The following SYCE3 variants were observed in gnomAD, a reference collection of about 807,000 sequenced individuals.
The protein encoded by SYCE3 is synaptonemal complex central element protein 3.
A neutral mutation model predicts 8.1 loss-of-function variants in SYCE3; 3 were observed. The observed-to-expected ratio is 0.37, with a 90% CI of 0.17 to 0.96. The LOEUF (loss-of-function observed/expected upper bound fraction) is 0.96. Among genes scored for constraint, SYCE3 ranks in the 40% least tolerant of loss-of-function variants. The pLI, the probability that SYCE3 is intolerant of heterozygous loss-of-function variation, is 0.41. For synonymous variants in SYCE3, 36 were observed against 38.7 expected, an observed-to-expected ratio of 0.93 and a Z score of 0.26; for missense variants, 83 against 110.0, an observed-to-expected ratio of 0.75 and a Z score of 1.10.
chr22:50,552,931 C>G (rs924209867), intron 2 of SYCE3, among the ~76,000 whole-genome samples: 17 of 152,270 alleles, frequency 1.1e-4, no homozygotes, highest in African/African-American at 3.6e-4. Context: ...GGCAAGGTGG[C>G]TGGTACCTAT....
intron 1 of SYCE3, among the ~76,000 whole-genome samples, chr22:50,560,473 C>T (rs563197002): frequency 6.6e-6 from 1 of 152,188 alleles, no homozygotes; most frequent in Admixed American, 6.5e-5. Flanking sequence ...AAAAAAAGGG[C>T]TCAGTAAATT....
chr22:50,554,694 A>C (rs1313627413), intron 2 of SYCE3, among the ~76,000 whole-genome samples: 39 of 35,922 alleles, frequency 1.1e-3, no homozygotes, highest in African/African-American at 2.3e-3. Context: ...ACTCCGTCTC[A>C]AAAAAAAAAA....
chr22:50,554,356 C>A (rs2069838103), intron 2 of SYCE3, among the ~76,000 whole-genome samples: 1 of 151,974 alleles, frequency 6.6e-6, no homozygotes, highest in Non-Finnish European at 1.5e-5. Flanking sequence ...AAAATAATGG[C>A]AATAAATCAG....
rs556740131 is a variant in SYCE3 at position 50,555,639 on chromosome 22, C to G, written c.109+658G>C. Among the ~76,000 whole-genome samples the G allele has an allele frequency of 3.9e-5, 6 of 152,274 alleles. No homozygotes were observed. The South Asian group carries it at 1.2e-3, about 32-fold the overall frequency. On this transcript the variant is annotated intron_variant, in intron 2 of 2. Coordinates refer to ENST00000406915, the MANE Select transcript of SYCE3 (RefSeq NM_001123225.3). ...AACTCTGGTCTCCACAACCCCTTAC[C>G]GTCATAACCCAGACATTCCTTTCTA...
At chr22:50,557,829 C>T (rs114663827) in intron 1 of SYCE3, among the ~76,000 whole-genome samples, 10 of 152,266 alleles carry the variant, frequency 6.6e-5, no homozygotes, top group African/African-American at 2.4e-4. Context: ...ACAGATGCTG[C>T]GGTATTGTTC....
chr22:50,558,509 G>A (rs570885421), intron 1 of SYCE3, among the ~76,000 whole-genome samples: 176 of 152,310 alleles, frequency 1.2e-3, no homozygotes, highest in Non-Finnish European at 2.2e-3. Flanking sequence ...TCTGAGGGAG[G>A]AGCAAAGGGC....
chr22:50,554,222 G>A (rs576732775), intron 2 of SYCE3, among the ~76,000 whole-genome samples: 213 of 151,248 alleles, frequency 1.4e-3, no homozygotes, highest in Non-Finnish European at 2.4e-3. Flanking sequence ...AATACGCAGC[G>A]TAGGTCATTT....
At chr22:50,551,790 G>A (rs1401922744) in intron 2 of SYCE3, among the ~76,000 whole-genome samples, 3 of 152,196 alleles carry the variant, frequency 2.0e-5, no homozygotes, top group Admixed American at 2.0e-4. Flanking sequence ...ACACACTCAG[G>A]TAGAGTTGAT....
intron 1 of SYCE3, among the ~76,000 whole-genome samples, chr22:50,558,237 A>G (rs1654581854): frequency 6.6e-6 from 1 of 152,142 alleles, no homozygotes; most frequent in African/African-American, 2.4e-5. Flanking sequence ...CAGCCTGGCC[A>G]ACATGGTGAA....
intron 2 of SYCE3, among the ~76,000 whole-genome samples, chr22:50,552,482 G>A (rs962637297): frequency 6.6e-6 from 1 of 152,100 alleles, no homozygotes; most frequent in African/African-American, 2.4e-5. Context: ...CAGTGTTCCT[G>A]GCCCATCTCT....
intron 1 of SYCE3, among the ~76,000 whole-genome samples, chr22:50,560,296 T>G (rs564687302): frequency 1.5e-4 from 23 of 152,176 alleles, no homozygotes; most frequent in Admixed American, 3.9e-4. Context: ...GCCAGGAGTT[T>G]CAGACCAGCC....
At chr22:50,556,201 G>T in intron 2 of SYCE3, 96 bp downstream of exon 2, 2 of 829,412 alleles carry the variant, frequency 2.4e-6, no homozygotes, top group South Asian at 3.3e-5. Flanking sequence ...AGGACCTCCT[G>T]AGGCTGTGTC....
At chr22:50,552,220 C>A (rs894033638) in intron 2 of SYCE3, among the ~76,000 whole-genome samples, 17 of 152,192 alleles carry the variant, frequency 1.1e-4, no homozygotes, top group African/African-American at 4.1e-4. Flanking sequence ...GGAATCCTCA[C>A]AAGCATCCCA....
At chr22:50,551,711 C>T (rs2069811801) in intron 2 of SYCE3, among the ~76,000 whole-genome samples, 1 of 152,230 alleles carries the variant, frequency 6.6e-6, no homozygotes, top group Non-Finnish European at 1.5e-5. Context: ...CAAACCGCAG[C>T]TCCTTACCTA....
chr22:50,561,900 G>A (rs1182658494), intron 1 of SYCE3, among the ~76,000 whole-genome samples: 3 of 148,548 alleles, frequency 2.0e-5, no homozygotes, highest in South Asian at 2.2e-4. Context: ...GGGGTGTGAG[G>A]TGGTGTGTGG....
chr22:50,552,601 A>T (rs1055340732), intron 2 of SYCE3, among the ~76,000 whole-genome samples: 22 of 152,078 alleles, frequency 1.4e-4, no homozygotes, highest in Admixed American at 1.3e-3. Context: ...GAGGTTATAT[A>T]TACATAAATC....
rs190719708 is a variant in SYCE3, at chr22:50,556,878, G to A, written c.1-473C>T. Among the ~76,000 whole-genome samples, 45 of 152,314 alleles carry A rather than the reference G, an allele frequency of 3.0e-4. No homozygotes were observed. The South Asian group carries it at 9.1e-3, about 31-fold the overall frequency. The stretch of plus-strand genomic sequence containing the variant: ...GACAAACCAGGATGTGACAGATGTC[G>A]AAGCAGTTAATGTAATAATTACAGA... On this transcript the variant is annotated intron_variant, in intron 1 of 2. Transcript: ENST00000406915.
At chr22:50,559,594 A>AACTCCAGGT (rs1409252460) in intron 1 of SYCE3, among the ~76,000 whole-genome samples, 1 of 152,178 alleles carries the variant, frequency 6.6e-6, no homozygotes, top group Non-Finnish European at 1.5e-5. Context: ...GCAGCTGCAA[A>AACTCCAGGT]ACTCCAGGTA....
chr22:50,561,082 G>C (rs1480775432), intron 1 of SYCE3, among the ~76,000 whole-genome samples: 2 of 152,198 alleles, frequency 1.3e-5, no homozygotes, highest in African/African-American at 4.8e-5. Context: ...AGTGGATGGA[G>C]TGTAGAAGGC....
Sources: gnomAD v4.1 joint callset for allele counts (sites outside exome capture counted in the v4.1 genomes callset) on GRCh38, gnomAD v4.1.1 for gene constraint, MANE v1.5 for transcripts, NCBI Gene and HGNC (gene_info 2026-07-23, HGNC 2026-07-21) for gene names.